The following CFTR variants were observed in gnomAD, a reference collection of about 807,000 sequenced individuals.
CFTR encodes CF transmembrane conductance regulator.
CFTR carries 181 observed loss-of-function variants against 171.6 expected under a neutral mutation model. The ratio of observed to expected loss-of-function variants is 1.05; its 90% CI spans 0.93 to 1.19. The LOEUF (loss-of-function observed/expected upper bound fraction) is 1.19. Ranked by LOEUF, CFTR falls within the 50% of genes most tolerant of loss-of-function variation. The pLI is 0.00. For missense variants in CFTR, 1,968 were observed against 1,734.7 expected, an observed-to-expected ratio of 1.13 and a Z score of -2.39; for synonymous variants, 583 against 608.0, an observed-to-expected ratio of 0.96 and a Z score of 0.60.
intron 9 of CFTR, among the ~76,000 whole-genome samples, chr7:117,547,564 C>T (rs981331737): frequency 6.6e-6 from 1 of 151,984 alleles, no homozygotes; most frequent in African/African-American, 2.4e-5. Context: ...CCTTATTCCC[C>T]TACTTATTTC....
At position 117,610,565 on chromosome 7, in the gene CFTR, A is replaced by T; in HGVS notation, c.3035A>T (p.Gln1012Leu). 6.2e-7 allele frequency: 1 copy of T among 1,613,608 alleles called. No individual in the cohort carries two copies. The part of the protein sequence containing the change: ...IGAIAVVAVL[Q>L]PYIFVATVPV... The stretch of plus-strand genomic sequence containing the variant: ...GCTATAGCAGTTGTCGCAGTTTTAC[A>T]ACCCTACATCTTTGTTGCAACAGTG... The change falls in exon 19 of 27, where the codon CAA becomes CTA. Residue 1012 changes from glutamine (Q) to leucine (L), a missense_variant. By Grantham distance (113) the Gln-to-Leu change is moderately radical. Coordinates refer to ENST00000003084, the MANE Select transcript of CFTR (RefSeq NM_000492.4).
chr7:117,519,509 A>G (rs1736747609), intron 3 of CFTR, among the ~76,000 whole-genome samples: 1 of 151,810 alleles, frequency 6.6e-6, no homozygotes, highest in African/African-American at 2.4e-5. Context: ...TTTTGTATGC[A>G]TGTTTTCTTT....
At chr7:117,504,769 A>AAG (rs1011788057) in intron 2 of CFTR, among the ~76,000 whole-genome samples, 2 of 151,870 alleles carry the variant, frequency 1.3e-5, no homozygotes, top group African/African-American at 4.8e-5. Flanking sequence ...AAAAAAAAAA[A>AAG]AAAAGGAACA....
chr7:117,556,438 T>C (rs1441552335), intron 10 of CFTR, among the ~76,000 whole-genome samples: 1 of 151,946 alleles, frequency 6.6e-6, no homozygotes, highest in Non-Finnish European at 1.5e-5. Flanking sequence ...TAAATAGCAC[T>C]GGAGTTACCT....
chr7:117,512,059 T>G lies in CFTR; in HGVS notation c.273+2917T>G, dbSNP rs2116645629. 2.0e-5 allele frequency among the ~76,000 whole-genome samples: 3 copies of G among 152,292 alleles called. No individual in the cohort carries two copies. The South Asian group carries it at 6.2e-4, about 32-fold the overall frequency. The stretch of plus-strand genomic sequence containing the variant: ...GAAATAGATGGTCATACTTTCAGAA[T>G]CTCTACACATTCTTAGTCCCTCTAA... On this transcript the variant is annotated intron_variant, in intron 3 of 26. Transcript: ENST00000003084.
At chr7:117,622,867 C>T (rs969948981) in intron 21 of CFTR, among the ~76,000 whole-genome samples, 2 of 152,148 alleles carry the variant, frequency 1.3e-5, no homozygotes, top group African/African-American at 4.8e-5. Context: ...GGCTTAAATG[C>T]ATCCCTTATA....
intron 21 of CFTR, among the ~76,000 whole-genome samples, chr7:117,626,236 G>A (rs1049950601): frequency 1.3e-5 from 2 of 151,964 alleles, no homozygotes; most frequent in African/African-American, 4.8e-5. Flanking sequence ...GAATTTTAAC[G>A]TTCAATTAAG....
At chr7:117,579,406 A>G (rs891998875) in intron 11 of CFTR, among the ~76,000 whole-genome samples, 1 of 152,106 alleles carries the variant, frequency 6.6e-6, no homozygotes, top group South Asian at 2.1e-4. Flanking sequence ...TTAAGAGTGC[A>G]TGCTTTGTAG....
intron 1 of CFTR, among the ~76,000 whole-genome samples, chr7:117,496,725 T>C (rs1798247113): frequency 6.6e-6 from 1 of 152,204 alleles, no homozygotes; most frequent in Non-Finnish European, 1.5e-5. Flanking sequence ...AGTAACTTTA[T>C]GTTTAATATT....
chr7:117,565,291 G>C (rs1225410242), intron 11 of CFTR, among the ~76,000 whole-genome samples: 1 of 152,164 alleles, frequency 6.6e-6, no homozygotes, highest in African/African-American at 2.4e-5. Flanking sequence ...GATTATAATT[G>C]TATTTTGTTA....
At chr7:117,617,914 C>G (rs1242000157) in intron 21 of CFTR, among the ~76,000 whole-genome samples, 1 of 152,084 alleles carries the variant, frequency 6.6e-6, no homozygotes, top group Non-Finnish European at 1.5e-5. Context: ...TCAACCCATT[C>G]TTTCCACAAC....
At chr7:117,518,797 A>G (rs1798640751) in intron 3 of CFTR, among the ~76,000 whole-genome samples, 1 of 151,968 alleles carries the variant, frequency 6.6e-6, no homozygotes, top group African/African-American at 2.4e-5. Context: ...ACATTTAGTT[A>G]TTTCTGTATA....
intron 3 of CFTR, among the ~76,000 whole-genome samples, chr7:117,516,939 T>G (rs1388583473): frequency 6.6e-6 from 1 of 152,136 alleles, no homozygotes; most frequent in Non-Finnish European, 1.5e-5. Context: ...TGATAGCACA[T>G]TTTTTCTTTT....
rs397508798 is a variant in CFTR, at chr7:117,504,277, AG to A, written c.80del (p.Gly27AspfsTer64). On this transcript the variant is annotated frameshift_variant, in exon 2 of 27. Coordinates refer to ENST00000003084, the MANE Select transcript of CFTR (RefSeq NM_000492.4). LOFTEE classifies it high-confidence loss of function. The part of the protein sequence containing the change: ...FSWTRPILRK[G>X]YRQRLELSDI... Reference sequence around the variant, plus strand: ...GCTGGACCAGACCAATTTTGAGGAAAGGATACAGACAGCGCCTGGAATTGTC... The same window carrying A: ...GCTGGACCAGACCAATTTTGAGGAAAGATACAGACAGCGCCTGGAATTGTC... The A allele has an allele frequency of 6.2e-7, 1 of 1,610,872 alleles. No individual in the cohort carries two copies. The highest frequency in any genetic ancestry group is 1.1e-5 in the South Asian group (1 of 91,006).
At chr7:117,656,042 G>A (rs538821001) in intron 24 of CFTR, among the ~76,000 whole-genome samples, 1 of 152,122 alleles carries the variant, frequency 6.6e-6, no homozygotes, top group African/African-American at 2.4e-5. Flanking sequence ...GACTTTGGCA[G>A]GGGGACAGAA....
At chr7:117,485,882 C>T (rs1004676386) in intron 1 of CFTR, among the ~76,000 whole-genome samples, 2 of 152,026 alleles carry the variant, frequency 1.3e-5, no homozygotes, top group African/African-American at 4.8e-5. Flanking sequence ...AAGACTCTTC[C>T]GTGGAACAAT....
At chr7:117,599,726 T>G (rs1408032051) in intron 15 of CFTR, among the ~76,000 whole-genome samples, 2 of 152,164 alleles carry the variant, frequency 1.3e-5, no homozygotes, top group African/African-American at 4.8e-5. Flanking sequence ...TGCACAATTA[T>G]ACAACTAAAC....
rs754533973 is a variant in CFTR, at chr7:117,587,712, T to C, written c.1585-27T>C. 3.1e-6 allele frequency: 4 copies of C among 1,292,312 alleles called. No homozygotes were observed. The South Asian group carries it at 4.7e-5, about 15-fold the overall frequency. The allele number at this position is 1,292,312 out of a possible 1,614,324, so 80.1% of individuals were successfully genotyped here. A position where few individuals can be genotyped will look rare whatever the true frequency, so the allele number is the denominator to read the frequency against. On this transcript the variant is annotated intron_variant, in intron 11 of 26. Transcript: ENST00000003084. ...TCAGATTGAGCATACTAAAAGTGAC[T>C]CTCTAATTTTCTATTTTTGGTAATA...
chr7:117,592,359 C>T lies in CFTR; in HGVS notation c.2192C>T (p.Pro731Leu), dbSNP rs748634753. The T allele has an allele frequency of 1.7e-5, 27 of 1,614,150 alleles. No homozygotes were observed. Among genetic ancestry groups the T allele is most frequent in the Non-Finnish European group, 1.9e-5 (22 of 1,180,006 alleles). ...MNGIEEDSDE[P>L]LERRLSLVPD... is the part of the protein sequence containing the mutation. Reference sequence around the variant, plus strand: ...GGCATCGAAGAGGATTCTGATGAGCCTTTAGAGAGAAGGCTGTCCTTAGTA... The same window carrying T: ...GGCATCGAAGAGGATTCTGATGAGCTTTTAGAGAGAAGGCTGTCCTTAGTA... Residue 731 changes from proline (P) to leucine (L), a missense_variant, in exon 14 of 27, where the codon CCT becomes CTT. By Grantham distance (98) the Pro-to-Leu change is moderately conservative (BLOSUM62 -3). Transcript: ENST00000003084.
Sources: allele counts gnomAD v4.1 joint callset (sites outside exome capture counted in the v4.1 genomes callset), GRCh38; gene constraint gnomAD v4.1.1; transcripts MANE v1.5; gene names NCBI Gene and HGNC (gene_info 2026-07-23, HGNC 2026-07-21).